The following SERPINA12 variants were observed in gnomAD, a reference collection of about 807,000 sequenced individuals.
SERPINA12 encodes serpin A12.
A neutral mutation model predicts 25.9 loss-of-function variants in SERPINA12; 21 were observed. That is an observed-to-expected ratio of 0.81 (90% CI 0.58 to 1.17). The LOEUF (loss-of-function observed/expected upper bound fraction) is 1.17, where lower values mean the gene tolerates loss of function less well. Among genes scored for constraint, SERPINA12 ranks in the 50% most tolerant of loss-of-function variants. SERPINA12 has a pLI of 0.00. For synonymous variants in SERPINA12, 220 were observed against 196.0 expected (o/e 1.12, Z -1.02); for missense variants, 562 against 508.3 (o/e 1.11, Z -1.02).
chr14:94,514,373 C>T (rs1046766353), upstream of SERPINA12, among the ~76,000 whole-genome samples: 13 of 152,202 alleles, frequency 8.5e-5, no homozygotes, highest in East Asian at 3.9e-4. Flanking sequence ...AGATGGGACT[C>T]GTGTGCTGCA....
upstream of SERPINA12, among the ~76,000 whole-genome samples, chr14:94,512,166 C>A (rs532642673): frequency 2.0e-5 from 3 of 152,272 alleles, no homozygotes; most frequent in South Asian, 2.1e-4. Context: ...CCACGAGAGG[C>A]AGATATTGAA....
In SERPINA12 at chr14:94,498,168, AAGGGG is replaced by A. The variant is rs767008369; in HGVS notation, c.225_229del (p.Pro76GlufsTer37). The A allele has an allele frequency of 1.9e-5, 31 of 1,614,058 alleles. No individual in the cohort carries two copies. The South Asian group carries it at 3.1e-4, about 16-fold the overall frequency. ...CATGGAGAAAGCTGTAGAGATGCTC[AAGGGG>A]GATAGGAAGATGTTCCTGCCAGGGT... On this transcript the variant is annotated frameshift_variant, in exon 2 of 5. Transcript: ENST00000677451. LOFTEE classifies it high-confidence loss of function.
chr14:94,503,241 C>A, intron 1 of SERPINA12: 1 of 984,920 alleles, frequency 1.0e-6, no homozygotes, highest in Non-Finnish European at 1.2e-6. Context: ...GTAAGAGAAG[C>A]CCCATAAACA....
chr14:94,489,444 A>G (rs1028704214), intron 4 of SERPINA12, among the ~76,000 whole-genome samples, 176 bp downstream of exon 4: 3 of 151,820 alleles, frequency 2.0e-5, no homozygotes, highest in Admixed American at 1.3e-4. Flanking sequence ...AGGCTGGGGG[A>G]GGTTATGTGG....
At chr14:94,506,705 A>G (rs1460869909) in intron 1 of SERPINA12, among the ~76,000 whole-genome samples, 2 of 152,204 alleles carry the variant, frequency 1.3e-5, no homozygotes, top group Admixed American at 6.5e-5. Context: ...ATCATCCAGG[A>G]GCTTTAGAAA....
At chr14:94,493,338 T>C (rs1900255641) in intron 3 of SERPINA12, among the ~76,000 whole-genome samples, 1 of 152,172 alleles carries the variant, frequency 6.6e-6, no homozygotes, top group African/African-American at 2.4e-5. Flanking sequence ...CTCGGGAAGG[T>C]GGACAATACC....
chr14:94,489,579 C>G (rs755708931), intron 4 of SERPINA12, 41 bp downstream of exon 4: 34 of 1,603,992 alleles, frequency 2.1e-5, no homozygotes, highest in Non-Finnish European at 2.8e-5. Context: ...GGGGAAGGCC[C>G]CTGTGCTGCA....
At chr14:94,497,630 G>T in intron 2 of SERPINA12, 134 bp downstream of exon 2, 1 of 772,846 alleles carries the variant, frequency 1.3e-6, no homozygotes, top group Non-Finnish European at 2.0e-6. Context: ...TTTACAGATA[G>T]GAAAAGTGAG....
At chr14:94,513,680 G>A (rs1205281346), upstream of SERPINA12, among the ~76,000 whole-genome samples, 1 of 152,192 alleles carries the variant, frequency 6.6e-6, no homozygotes, top group Non-Finnish European at 1.5e-5. Context: ...GGGTCCCCAA[G>A]GGCTGGACCA....
At chr14:94,510,722 A>G (rs1242061974), upstream of SERPINA12, among the ~76,000 whole-genome samples, 6 of 152,280 alleles carry the variant, frequency 3.9e-5, no homozygotes, top group African/African-American at 1.4e-4. Flanking sequence ...AAATCCATAA[A>G]GAAAATGTGG....
intron 3 of SERPINA12, among the ~76,000 whole-genome samples, chr14:94,493,916 G>A (rs1379403502): frequency 1.3e-5 from 2 of 152,188 alleles, no homozygotes; most frequent in Non-Finnish European, 2.9e-5. Context: ...CCTGATGGTG[G>A]TCACAGCACC....
intron 1 of SERPINA12, among the ~76,000 whole-genome samples, chr14:94,506,468 T>C (rs921798402): frequency 6.6e-6 from 1 of 152,160 alleles, no homozygotes; most frequent in Non-Finnish European, 1.5e-5. Flanking sequence ...GACTGTGTCA[T>C]AGATGGGGCA....
In SERPINA12 at chr14:94,496,648, G is replaced by C. The variant is rs778547071; in HGVS notation, c.635-5C>G. Reference sequence around the variant, plus strand: ...CAAACTCATGTTTCCACCTGGCTTAGATTGAAGAAAGACAAACAGACATGT... The same window carrying C: ...CAAACTCATGTTTCCACCTGGCTTACATTGAAGAAAGACAAACAGACATGT... On this transcript the variant is annotated splice_region_variant and splice_polypyrimidine_tract_variant and intron_variant, in intron 2 of 4. Coordinates refer to ENST00000677451, the MANE Select transcript of SERPINA12 (RefSeq NM_001382267.1). The C allele has an allele frequency of 1.9e-6, 3 of 1,612,834 alleles. No individual in the cohort carries two copies. The highest frequency in any genetic ancestry group is 2.5e-6 in the Non-Finnish European group (3 of 1,179,428).
At chr14:94,508,288 C>A (rs1379893733) in intron 1 of SERPINA12, among the ~76,000 whole-genome samples, 3 of 152,164 alleles carry the variant, frequency 2.0e-5, no homozygotes, top group Non-Finnish European at 4.4e-5. Flanking sequence ...TTTAAGCAAT[C>A]TCCGGTAAGA....
In SERPINA12 at chr14:94,487,444, G is replaced by A. The variant is rs774845108; in HGVS notation, c.1104C>T (p.Ala368=). The change falls in exon 5 of 5, where the codon GCC becomes GCT. Residue 368 remains alanine (A), a synonymous_variant. Transcript: ENST00000677451. The part of the protein sequence containing the change: ...LKMDERGTEG[A]AGTGAQTLPM... The stretch of plus-strand genomic sequence containing the variant: ...GCAGAGTCTGTGCTCCGGTGCCAGC[G>A]GCCCCTTCCGTACCCCTCTCATCCA... The A allele has an allele frequency of 6.8e-6, 11 of 1,613,868 alleles. No homozygotes were observed. Among genetic ancestry groups the A allele is most frequent in the East Asian group, 2.2e-5 (1 of 44,856 alleles).
At chr14:94,492,469 T>G (rs951984455) in intron 3 of SERPINA12, among the ~76,000 whole-genome samples, 1 of 152,192 alleles carries the variant, frequency 6.6e-6, no homozygotes, top group East Asian at 1.9e-4. Flanking sequence ...TCTTCTTGCA[T>G]AGAAGCCACT....
upstream of SERPINA12, among the ~76,000 whole-genome samples, chr14:94,513,253 C>T (rs1456275911): frequency 1.3e-5 from 2 of 152,192 alleles, no homozygotes; most frequent in African/African-American, 2.4e-5. Context: ...CCAGACAGTC[C>T]TCTTACAGAG....
At chr14:94,511,495 C>T (rs868462532), upstream of SERPINA12, 9 of 985,434 alleles carry the variant, frequency 9.1e-6, no homozygotes, top group South Asian at 3.8e-4. Flanking sequence ...GTCTGCATGC[C>T]TCACATAAGG....
Position 94,489,149 on chromosome 14 carries a change from G to GAGAAAGAAAGAA in SERPINA12, c.1053+459_1053+470dup, listed in dbSNP as rs531509590. On this transcript the variant is annotated intron_variant, in intron 4 of 4. Coordinates refer to ENST00000677451, the MANE Select transcript of SERPINA12 (RefSeq NM_001382267.1). ...GAAGGAAGGAAGAGAGAGAGAGAGA[G>GAGAAAGAAAGAA]AGAAAGAAAGAAAGAAAGAAAAAAA... 2.4e-3 allele frequency among the ~76,000 whole-genome samples: 343 copies of GAGAAAGAAAGAA among 145,924 alleles called. 1 individual carries two copies. The highest frequency in any genetic ancestry group is 0.021 in the Middle Eastern group (6 of 288).
Sources: gnomAD v4.1 joint callset for allele counts (sites outside exome capture counted in the v4.1 genomes callset) on GRCh38, gnomAD v4.1.1 for gene constraint, MANE v1.5 for transcripts, NCBI Gene and HGNC (gene_info 2026-07-23, HGNC 2026-07-21) for gene names.